The following BNIP2 variants were observed in gnomAD, a reference collection of about 807,000 sequenced individuals.
The protein encoded by BNIP2 is BCL2 interacting protein 2, also known as BCL2/adenovirus E1B 19 kDa protein-interacting protein 2.
BNIP2 carries 36 observed loss-of-function variants against 43.4 expected under a neutral mutation model. The observed-to-expected ratio is 0.83, with a 90% CI of 0.64 to 1.10. The LOEUF (loss-of-function observed/expected upper bound fraction) is 1.10, where lower values mean the gene tolerates loss of function less well. Ranked by LOEUF, BNIP2 falls within the 50% of genes least tolerant of loss-of-function variation. The pLI is 0.00. For missense variants in BNIP2, 417 were observed against 374.1 expected, an observed-to-expected ratio of 1.11 and a Z score of -0.95; for synonymous variants, 146 against 121.0, an observed-to-expected ratio of 1.21 and a Z score of -1.35.
rs554469366 is a variant in BNIP2 at position 59,673,121 on chromosome 15, G to A, written c.473-382C>T. Among the ~76,000 whole-genome samples the A allele has an allele frequency of 3.9e-3, 524 of 134,922 alleles. 6 individuals are homozygous for A. Among genetic ancestry groups the A allele is most frequent in the African/African-American group, 0.013 (509 of 37,872 alleles). The allele number at this position is 134,922 out of a possible 152,430, so 88.5% of individuals were successfully genotyped here. ...TATGATGCTTATGGTTAAAGTGGGT[G>A]CTTTTTTTTTTTTTTTAGATGGAGT... On this transcript the variant is annotated intron_variant, in intron 5 of 9. Transcript: ENST00000607373.
intron 7 of BNIP2, among the ~76,000 whole-genome samples, chr15:59,670,264 C>G (rs1281593551): frequency 1.3e-5 from 2 of 152,142 alleles, no homozygotes; most frequent in East Asian, 3.8e-4. Context: ...AACGCTGTCT[C>G]TACAAAAAAT....
chr15:59,670,420 G>A (rs1231537674), intron 7 of BNIP2, among the ~76,000 whole-genome samples: 3 of 152,132 alleles, frequency 2.0e-5, no homozygotes, highest in African/African-American at 7.2e-5. Flanking sequence ...GACAGAGTGA[G>A]ACCCTGTCTC....
At chr15:59,685,540 G>C (rs1893959733) in intron 1 of BNIP2, among the ~76,000 whole-genome samples, 1 of 151,988 alleles carries the variant, frequency 6.6e-6, no homozygotes. Flanking sequence ...AAACTAAATA[G>C]CTCCTCGAAA....
At chr15:59,683,881 T>C (rs908535272) in intron 1 of BNIP2, among the ~76,000 whole-genome samples, 2 of 152,212 alleles carry the variant, frequency 1.3e-5, no homozygotes, top group African/African-American at 4.8e-5. Context: ...GTCTATACCA[T>C]TTGATTTTTA....
At chr15:59,679,543 T>C in intron 4 of BNIP2, 49 bp downstream of exon 4, 3 of 1,540,714 alleles carry the variant, frequency 1.9e-6, no homozygotes, top group Non-Finnish European at 2.6e-6. Flanking sequence ...TCAAACAAAA[T>C]CCCTTAGTAC....
Position 59,669,235 on chromosome 15 carries a change from T to TA in BNIP2, c.794+40dup, listed in dbSNP as rs745487001. 115 of 1,350,808 alleles carry TA rather than the reference T, an allele frequency of 8.5e-5. No homozygotes were observed. In the African/African-American group the frequency reaches 1.5e-3, roughly 17 times the overall value. The allele number at this position is 1,350,808 out of a possible 1,614,324, so 83.7% of individuals were successfully genotyped here. On this transcript the variant is annotated intron_variant, in intron 8 of 9. Transcript: ENST00000607373. ...TATGTGTTAACTAAAAATAAATAAA[T>TA]AAAAAAAATAAAATTAAAGTCAATG...
intron 1 of BNIP2, among the ~76,000 whole-genome samples, chr15:59,686,607 C>T (rs1894029475): frequency 6.6e-6 from 1 of 152,116 alleles, no homozygotes. Context: ...ACTTTTTAAC[C>T]AACAGCCTGT....
At chr15:59,683,470 CAT>C (rs1893823675) in intron 1 of BNIP2, among the ~76,000 whole-genome samples, 1 of 152,124 alleles carries the variant, frequency 6.6e-6, no homozygotes, top group African/African-American at 2.4e-5. Context: ...TTTGCAGTAA[CAT>C]ATTTAAGAGA....
Position 59,672,736 on chromosome 15 carries a change from T to G in BNIP2, c.476A>C (p.Tyr159Ser). Residue 159 changes from tyrosine (Y) to serine (S), a missense_variant, in exon 6 of 10, where the codon TAT becomes TCT. Transcript: ENST00000607373. ...PYKKVISHGG[Y>S]YGDGLNAIVV... is the part of the protein sequence containing the mutation. ...AATGGCATTTAATCCATCCCCATAA[T>G]ATCCTAAAAAAGAAACCAAAGACAG... is the stretch of plus-strand genomic sequence containing the variant. 6.2e-7 allele frequency: 1 copy of G among 1,612,850 alleles called. No homozygotes were observed. Among genetic ancestry groups the G allele is most frequent in the Non-Finnish European group, 8.5e-7 (1 of 1,179,166 alleles).
At chr15:59,687,305 T>A (rs574591491) in intron 1 of BNIP2, among the ~76,000 whole-genome samples, 7 of 152,124 alleles carry the variant, frequency 4.6e-5, no homozygotes, top group African/African-American at 1.7e-4. Flanking sequence ...TTCTGCTTTA[T>A]AGGATGTAAA....
At chr15:59,668,258 C>T (rs1205802683) in intron 9 of BNIP2, 6 of 482,452 alleles carry the variant, frequency 1.2e-5, no homozygotes, top group Non-Finnish European at 2.1e-5. Context: ...ATATTTACTA[C>T]ATGATGTAGA....
At chr15:59,683,485 C>G (rs551551822) in intron 1 of BNIP2, among the ~76,000 whole-genome samples, 1 of 152,222 alleles carries the variant, frequency 6.6e-6, no homozygotes, top group African/African-American at 2.4e-5. Context: ...TTAAGAGATA[C>G]GGAGCATCAC....
intron 1 of BNIP2, among the ~76,000 whole-genome samples, chr15:59,687,802 C>T (rs973581474): frequency 2.6e-5 from 4 of 152,176 alleles, no homozygotes; most frequent in Non-Finnish European, 5.9e-5. Context: ...ACTTTTACAT[C>T]CATCATCTCA....
At chr15:59,678,127 C>T (rs375480371) in intron 4 of BNIP2, 40 bp from the exon 5 acceptor site, 2 of 1,559,782 alleles carry the variant, frequency 1.3e-6, no homozygotes, top group Non-Finnish European at 1.7e-6. Context: ...AATTGTTACA[C>T]AACAAAAATC....
At chr15:59,678,148 T>A in intron 4 of BNIP2, 61 bp from the exon 5 acceptor site, 1 of 1,509,376 alleles carries the variant, frequency 6.6e-7, no homozygotes, top group Non-Finnish European at 8.8e-7. Flanking sequence ...AAATTATACG[T>A]TAACCACTTT....
At chr15:59,674,081 C>T (rs1209300582) in intron 5 of BNIP2, among the ~76,000 whole-genome samples, 1 of 117,802 alleles carries the variant, frequency 8.5e-6, no homozygotes, top group African/African-American at 3.1e-5. Flanking sequence ...CAGAGCAAGA[C>T]TTGGGTCTCA....
chr15:59,678,398 C>T (rs781548671), intron 4 of BNIP2: 2 of 1,084,458 alleles, frequency 1.8e-6, no homozygotes, highest in African/African-American at 3.4e-5. Context: ...ACTGGCCTTA[C>T]AATGCCTTTC....
chr15:59,682,568 G>A, intron 1 of BNIP2, 54 bp from the exon 2 acceptor site: 2 of 1,358,122 alleles, frequency 1.5e-6, no homozygotes, highest in South Asian at 2.6e-5. Flanking sequence ...TTTATCCACT[G>A]AAAAGGCGTA....
chr15:59,689,080 G>A (rs1894214120), intron 1 of BNIP2, 55 bp downstream of exon 1: 4 of 1,506,634 alleles, frequency 2.7e-6, no homozygotes, highest in Non-Finnish European at 3.5e-6. Context: ...CCCCTAGGCC[G>A]GTTCCCAGTC....
Sources: allele counts gnomAD v4.1 joint callset (sites outside exome capture counted in the v4.1 genomes callset), GRCh38; gene constraint gnomAD v4.1.1; transcripts MANE v1.5; gene names NCBI Gene and HGNC (gene_info 2026-07-23, HGNC 2026-07-21).